The following GRAMD1B variants were observed in gnomAD, a reference collection of about 807,000 sequenced individuals.
GRAMD1B encodes protein Aster-B.
In GRAMD1B, 37 loss-of-function variants were observed where a neutral mutation model predicts 99.7. The ratio of observed to expected loss-of-function variants is 0.37; its 90% CI spans 0.29 to 0.49. The LOEUF (loss-of-function observed/expected upper bound fraction) is 0.49. Ranked by LOEUF, GRAMD1B falls within the 20% of genes least tolerant of loss-of-function variation. The probability of loss-of-function intolerance (pLI) is 0.98; values close to 1 mark genes in which losing one functional copy is unlikely to be tolerated. For missense variants in GRAMD1B, 888 were observed against 1,009.2 expected, an observed-to-expected ratio of 0.88 and a Z score of 1.63; for synonymous variants, 427 against 387.6, an observed-to-expected ratio of 1.10 and a Z score of -1.19.
At chr11:123,417,164 G>A (rs1036871820) in intron 1 of GRAMD1B, among the ~76,000 whole-genome samples, 2 of 152,074 alleles carry the variant, frequency 1.3e-5, no homozygotes, top group Non-Finnish European at 2.9e-5. Context: ...CACGAGGTCG[G>A]GAGTTCAAGA....
chr11:123,538,941 A>G (rs989128094), intron 2 of GRAMD1B, among the ~76,000 whole-genome samples: 16 of 152,060 alleles, frequency 1.1e-4, no homozygotes, highest in Non-Finnish European at 1.8e-4. Flanking sequence ...GGACTTTAAT[A>G]TGAATGGAAT....
intron 1 of GRAMD1B, among the ~76,000 whole-genome samples, chr11:123,479,136 G>A (rs1354080357): frequency 6.6e-6 from 1 of 152,210 alleles, no homozygotes; most frequent in Non-Finnish European, 1.5e-5. Flanking sequence ...GAAGGAGAAA[G>A]GGATTCCGTA....
At chr11:123,581,836 A>G (rs1592119089) in intron 3 of GRAMD1B, among the ~76,000 whole-genome samples, 3 of 152,332 alleles carry the variant, frequency 2.0e-5, no homozygotes, top group South Asian at 4.1e-4. Context: ...TTTGTTCCAC[A>G]TAGATTTGGA....
intron 19 of GRAMD1B, among the ~76,000 whole-genome samples, chr11:123,620,704 C>G (rs1021653681): frequency 6.6e-6 from 1 of 152,114 alleles, no homozygotes; most frequent in African/African-American, 2.4e-5. Context: ...AACAGGGTGG[C>G]CTTCAGACAC....
chr11:123,625,720 G>A lies in GRAMD1B; in HGVS notation c.*3125G>A, dbSNP rs1193161764. ...GGGAGTTGGGCTAGATCATCTTTAA[G>A]GTAGGTTCTAGCTTTGACATCATCT... On this transcript the variant is annotated 3_prime_UTR_variant, in exon 20 of 20. Transcript: ENST00000635736. 2 of 152,284 alleles carry A rather than the reference G, an allele frequency of 1.3e-5. No individual in the cohort carries two copies. The highest frequency in any genetic ancestry group is 4.8e-5 in the African/African-American group (2 of 41,432). The allele number at this position is 152,284 out of a possible 1,614,324, so 9.4% of individuals were successfully genotyped here.
chr11:123,595,364 C>G (rs144964837), intron 6 of GRAMD1B, among the ~76,000 whole-genome samples: 2,572 of 151,996 alleles, frequency 0.017, 82 homozygotes, highest in African/African-American at 0.057. Flanking sequence ...TCCCTGCAAC[C>G]TCCGCCCCTG....
chr11:123,463,358 T>C (rs1950526200), intron 1 of GRAMD1B, among the ~76,000 whole-genome samples: 2 of 152,242 alleles, frequency 1.3e-5, no homozygotes, highest in South Asian at 4.1e-4. Context: ...ATACACTTCT[T>C]ATTTACCTGA....
chr11:123,548,349 C>CACACACACAT (rs1184195342), intron 2 of GRAMD1B, among the ~76,000 whole-genome samples: 19 of 107,750 alleles, frequency 1.8e-4, no homozygotes, highest in African/African-American at 6.9e-4. Context: ...CACACACACA[C>CACACACACAT]ATATATATAT....
At chr11:123,618,500 C>G in intron 17 of GRAMD1B, 193 bp from the exon 18 acceptor site, 2 of 859,722 alleles carry the variant, frequency 2.3e-6, no homozygotes, top group Admixed American at 3.4e-5. Flanking sequence ...CATGGCTCTC[C>G]CCTGTATCCT....
At position 123,527,751 on chromosome 11, in the gene GRAMD1B, G is replaced by A. The variant is rs142611094; in HGVS notation, c.452+46858G>A. Among the ~76,000 whole-genome samples, 312 of 152,216 alleles carry A rather than the reference G, an allele frequency of 2.0e-3. 1 individual carries two copies. The highest frequency in any genetic ancestry group is 7.2e-3 in the African/African-American group (299 of 41,538). On this transcript the variant is annotated intron_variant, in intron 2 of 19. Coordinates refer to ENST00000635736, the MANE Select transcript of GRAMD1B (RefSeq NM_001387025.1). ...TGGGCTCTTCATCAGAAATCTCTCCGCATCCTTCCGCGCCCCTGCTGTCAG... is the reference window on the plus strand; with the variant it reads ...TGGGCTCTTCATCAGAAATCTCTCCACATCCTTCCGCGCCCCTGCTGTCAG...
intron 1 of GRAMD1B, among the ~76,000 whole-genome samples, chr11:123,373,842 C>T (rs1946608770): frequency 6.6e-6 from 1 of 152,072 alleles, no homozygotes; most frequent in Non-Finnish European, 1.5e-5. Context: ...GCTTGAGATC[C>T]CTTAGTTTAG....
At chr11:123,508,835 AC>A (rs1940698721) in intron 2 of GRAMD1B, among the ~76,000 whole-genome samples, 1 of 151,960 alleles carries the variant, frequency 6.6e-6, no homozygotes, top group Non-Finnish European at 1.5e-5. Context: ...ACAGGCGTGT[AC>A]CACCATGACT....
At chr11:123,532,396 C>A (rs2846297) in intron 2 of GRAMD1B, among the ~76,000 whole-genome samples, 52,631 of 152,096 alleles carry the variant, frequency 0.35, 9,275 homozygotes, top group East Asian at 0.52. Context: ...GTGGCCCTGC[C>A]TGACTGCAGG....
intron 16 of GRAMD1B, 64 bp from the exon 17 acceptor site, chr11:123,614,681 C>T: frequency 1.1e-6 from 1 of 909,608 alleles, no homozygotes; most frequent in Non-Finnish European, 1.8e-6. Flanking sequence ...TGACCAGTGT[C>T]CCCACCAGCA....
chr11:123,453,662 G>A (rs1274499785), intron 1 of GRAMD1B, among the ~76,000 whole-genome samples: 1 of 152,142 alleles, frequency 6.6e-6, no homozygotes, highest in Non-Finnish European at 1.5e-5. Context: ...CTTAGGGCAG[G>A]CTAAGTACTT....
intron 1 of GRAMD1B, among the ~76,000 whole-genome samples, chr11:123,405,350 T>A (rs1947819594): frequency 6.6e-6 from 1 of 152,126 alleles, no homozygotes; most frequent in African/African-American, 2.4e-5. Context: ...CTGCTCTTCA[T>A]CTGGCTGCCA....
intron 19 of GRAMD1B, among the ~76,000 whole-genome samples, chr11:123,621,520 G>A (rs1004395876): frequency 6.6e-6 from 1 of 152,202 alleles, no homozygotes; most frequent in Non-Finnish European, 1.5e-5. Context: ...AAAGATGACT[G>A]CAGTCCAGAG....
At chr11:123,560,687 T>C (rs766918293) in intron 2 of GRAMD1B, 18 of 16,354 alleles carry the variant, frequency 1.1e-3, no homozygotes, top group South Asian at 5.2e-3. Context: ...CTGGTGCGTG[T>C]GTGTGTGTGT....
rs140137787 is a variant in GRAMD1B at position 123,598,413 on chromosome 11, C to T, written c.970-2055C>T. 9.3e-4 allele frequency: 873 copies of T among 941,710 alleles called. 2 individuals carry two copies. The highest frequency in any genetic ancestry group is 1.3e-3 in the Non-Finnish European group (722 of 567,040). The allele number at this position is 941,710 out of a possible 1,614,324, so 58.3% of individuals were successfully genotyped here. ...CTCTTCTCCTGTCCTTGCTTGCTCG[C>T]GTTGTACATTTTCATGAGTGAGATG... On this transcript the variant is annotated intron_variant, in intron 7 of 19. Coordinates refer to ENST00000635736, the MANE Select transcript of GRAMD1B (RefSeq NM_001387025.1).
Sources: gnomAD v4.1 joint callset for allele counts (sites outside exome capture counted in the v4.1 genomes callset) on GRCh38, gnomAD v4.1.1 for gene constraint, MANE v1.5 for transcripts, NCBI Gene and HGNC (gene_info 2026-07-23, HGNC 2026-07-21) for gene names.